The following SRBD1 variants were observed in gnomAD, a reference collection of about 807,000 sequenced individuals.
The protein encoded by SRBD1 is S1 RNA-binding domain-containing protein 1.
In SRBD1, 88 loss-of-function variants were observed where a neutral mutation model predicts 115.3. That is an observed-to-expected ratio of 0.76 (90% CI 0.64 to 0.91). The LOEUF is 0.91. Ranked by LOEUF, SRBD1 falls within the 40% of genes least tolerant of loss-of-function variation. The pLI is 0.00. For missense variants in SRBD1, 1,385 were observed against 1,177.4 expected, an observed-to-expected ratio of 1.18 and a Z score of -2.58; for synonymous variants, 509 against 407.7, an observed-to-expected ratio of 1.25 and a Z score of -2.99.
At chr2:45,434,815 C>T (rs1048179713) in intron 16 of SRBD1, among the ~76,000 whole-genome samples, 2 of 151,356 alleles carry the variant, frequency 1.3e-5, no homozygotes, top group Non-Finnish European at 2.9e-5. Context: ...CACATGTGCA[C>T]AATGTGCAGG....
In SRBD1 at chr2:45,480,729, G is replaced by A. The variant is rs191420660; in HGVS notation, c.1967-3654C>T. Among the ~76,000 whole-genome samples the A allele has an allele frequency of 6.6e-4, 100 of 152,310 alleles. 1 individual carries two copies. Among genetic ancestry groups the A allele is most frequent in the Non-Finnish European group, 1.2e-3 (79 of 68,020 alleles). ...TGATAAAGCAGCAGCAGCAGGAATG[G>A]ATAGTATGGACTTCAATTTTAAATA... On this transcript the variant is annotated intron_variant, in intron 15 of 20. Coordinates refer to ENST00000263736, the MANE Select transcript of SRBD1 (RefSeq NM_018079.5).
intron 15 of SRBD1, among the ~76,000 whole-genome samples, chr2:45,486,048 G>C (rs1170400446): frequency 1.3e-5 from 2 of 152,156 alleles, no homozygotes; most frequent in African/African-American, 4.8e-5. Flanking sequence ...GACACAGCTA[G>C]ACTTTGAAAT....
chr2:45,519,012 A>G (rs2103948758), intron 14 of SRBD1, among the ~76,000 whole-genome samples: 1 of 151,870 alleles, frequency 6.6e-6, no homozygotes, highest in Non-Finnish European at 1.5e-5. Flanking sequence ...CAGAATTTCT[A>G]GCAAAGTATA....
intron 4 of SRBD1, among the ~76,000 whole-genome samples, chr2:45,599,118 AAATACAGTCC>A (rs1227150521): frequency 6.6e-6 from 1 of 152,216 alleles, no homozygotes; most frequent in Non-Finnish European, 1.5e-5. Context: ...TTTTATAGGA[AAATACAGTCC>A]AAGTTCAAAG....
At chr2:45,503,062 CA>C (rs1177603345) in intron 14 of SRBD1, among the ~76,000 whole-genome samples, 2 of 152,102 alleles carry the variant, frequency 1.3e-5, no homozygotes, top group Non-Finnish European at 1.5e-5. Flanking sequence ...CTCAAAAACT[CA>C]AAAGAAATAC....
chr2:45,452,168 G>A (rs1288898914), intron 16 of SRBD1, among the ~76,000 whole-genome samples: 1 of 151,934 alleles, frequency 6.6e-6, no homozygotes, highest in Non-Finnish European at 1.5e-5. Flanking sequence ...ATTAGAATCT[G>A]TCTTTAAAAT....
intron 4 of SRBD1, among the ~76,000 whole-genome samples, chr2:45,592,715 G>C (rs1673763224): frequency 6.6e-6 from 1 of 152,128 alleles, no homozygotes; most frequent in Non-Finnish European, 1.5e-5. Flanking sequence ...CTCATTGTTT[G>C]GTCTCACCTG....
chr2:45,579,795 A>G lies in SRBD1; in HGVS notation c.1072+80T>C, dbSNP rs3755083. 9,618 of 1,429,042 alleles carry G rather than the reference A, an allele frequency of 6.7e-3. 462 individuals carry two copies. In the East Asian group the frequency reaches 0.13, roughly 19 times the overall value. The allele number at this position is 1,429,042 out of a possible 1,614,324, so 88.5% of individuals were successfully genotyped here. ...TCTTTTGTATAATCAGTACTTAACA[A>G]AACAGTTTTTTAACATACGTTTTTA... On this transcript the variant is annotated intron_variant, in intron 7 of 20. Coordinates refer to ENST00000263736, the MANE Select transcript of SRBD1 (RefSeq NM_018079.5).
intron 5 of SRBD1, among the ~76,000 whole-genome samples, 188 bp from the exon 6 acceptor site, chr2:45,581,998 C>G (rs553116218): frequency 1.3e-5 from 2 of 152,326 alleles, no homozygotes; most frequent in South Asian, 4.1e-4. Context: ...TACAAATCTT[C>G]TACATAACCA....
intron 16 of SRBD1, among the ~76,000 whole-genome samples, chr2:45,474,357 T>C (rs1669741674): frequency 6.6e-6 from 1 of 152,258 alleles, no homozygotes. Context: ...TGTTTCTGTT[T>C]ACTATTCCCC....
chr2:45,546,767 C>T lies in SRBD1; in HGVS notation c.1839G>A (p.Met613Ile). The change falls in exon 14 of 21, where the codon ATG becomes ATA. Residue 613 changes from methionine (M) to isoleucine (I), a missense_variant. Coordinates refer to ENST00000263736, the MANE Select transcript of SRBD1 (RefSeq NM_018079.5). Reference sequence around the variant, plus strand: ...CATCCAGTGGTGCAAAATAATTCTTCATTATCAGGTCAGCAAAGTAAGCTT... The same window carrying T: ...CATCCAGTGGTGCAAAATAATTCTTTATTATCAGGTCAGCAAAGTAAGCTT... ...ETEAYFADLI[M>I]KNYFAPLDVV... The T allele has an allele frequency of 6.2e-7, 1 of 1,614,122 alleles. No homozygotes were observed. Among genetic ancestry groups the T allele is most frequent in the Non-Finnish European group, 8.5e-7 (1 of 1,179,990 alleles).
intron 14 of SRBD1, among the ~76,000 whole-genome samples, chr2:45,513,565 T>A (rs1377207426): frequency 6.6e-6 from 1 of 152,122 alleles, no homozygotes; most frequent in Non-Finnish European, 1.5e-5. Context: ...ACAACCTTAA[T>A]AAAAACTATT....
intron 11 of SRBD1, among the ~76,000 whole-genome samples, chr2:45,552,485 G>C (rs991131785): frequency 1.3e-5 from 2 of 152,110 alleles, no homozygotes; most frequent in African/African-American, 4.8e-5. Flanking sequence ...ATGCAGTGAA[G>C]CTACTCAAAT....
Position 45,562,223 on chromosome 2 carries a change from T to C in SRBD1, c.1409+430A>G, listed in dbSNP as rs569244781. On this transcript the variant is annotated intron_variant, in intron 10 of 20. Transcript: ENST00000263736. ...TACCTTGTCTGTTATTGGTGGGTTT[T>C]TTGTTTGTTTGTTTGTTTTCTTGAG... Among the ~76,000 whole-genome samples, 6 of 152,256 alleles carry C rather than the reference T, an allele frequency of 3.9e-5. No homozygotes were observed. In the South Asian group the frequency reaches 1.2e-3, roughly 32 times the overall value.
chr2:45,419,890 T>C lies in SRBD1; in HGVS notation c.2054A>G (p.Asp685Gly), dbSNP rs771387994. The change falls in exon 17 of 21, where the codon GAC (aspartate) becomes GGC (glycine). Residue 685 changes from aspartate (D) to glycine (G), a missense_variant. Transcript: ENST00000263736. ...KHIGVGMYQH[D>G]VSQTLLKATL... ...TGCCTTGAGTAAAGTCTGGGATACG[T>C]CATGCTGAAAAGACAAAGATCAAAT... 1 of 1,612,708 alleles carries C rather than the reference T, an allele frequency of 6.2e-7. No individual in the cohort carries two copies. The highest frequency in any genetic ancestry group is 2.2e-5 in the East Asian group (1 of 44,852).
chr2:45,527,420 T>C (rs143351372), intron 14 of SRBD1, among the ~76,000 whole-genome samples: 4 of 151,962 alleles, frequency 2.6e-5, no homozygotes, highest in African/African-American at 9.6e-5. Flanking sequence ...AGATTAATTC[T>C]AACCTGAGAT....
intron 8 of SRBD1, among the ~76,000 whole-genome samples, chr2:45,574,416 G>A (rs1375772843): frequency 6.6e-6 from 1 of 152,150 alleles, no homozygotes; most frequent in Non-Finnish European, 1.5e-5. Context: ...AGTAGGCAGA[G>A]TTCCAGGCTC....
At chr2:45,473,183 T>C (rs1251444406) in intron 16 of SRBD1, among the ~76,000 whole-genome samples, 4 of 152,130 alleles carry the variant, frequency 2.6e-5, no homozygotes, top group Non-Finnish European at 5.9e-5. Flanking sequence ...ACTCTCATGA[T>C]TTATATTAAA....
At chr2:45,543,399 T>C (rs566474301) in intron 14 of SRBD1, among the ~76,000 whole-genome samples, 1 of 152,316 alleles carries the variant, frequency 6.6e-6, no homozygotes, top group African/African-American at 2.4e-5. Flanking sequence ...TATCATGGCA[T>C]TTGTTAACCT....
Sources: gnomAD v4.1 joint callset for allele counts (sites outside exome capture counted in the v4.1 genomes callset) on GRCh38, gnomAD v4.1.1 for gene constraint, MANE v1.5 for transcripts, NCBI Gene and HGNC (gene_info 2026-07-23, HGNC 2026-07-21) for gene names.